ZMIZ1: variants seen among roughly 807,000 people sequenced by gnomAD.
The protein encoded by ZMIZ1 is zinc finger MIZ-type containing 1.
Under a neutral mutation model 113.9 loss-of-function variants are expected in ZMIZ1, and 17 were observed. That is an observed-to-expected ratio of 0.15 (90% CI 0.10 to 0.22). The LOEUF is 0.22. Among genes scored for constraint, ZMIZ1 ranks in the 10% least tolerant of loss-of-function variants. ZMIZ1 has a pLI of 1.00. For synonymous variants in ZMIZ1, 607 were observed against 603.1 expected, an observed-to-expected ratio of 1.01 and a Z score of -0.09; for missense variants, 1,059 against 1,477.8, an observed-to-expected ratio of 0.72 and a Z score of 4.65.
At chr10:79,092,007 G>T (rs1390076862) in intron 1 of ZMIZ1, among the ~76,000 whole-genome samples, 2 of 152,148 alleles carry the variant, frequency 1.3e-5, no homozygotes, top group African/African-American at 4.8e-5. Context: ...CCTGTACTGG[G>T]TGGGATGGGG....
intron 1 of ZMIZ1, among the ~76,000 whole-genome samples, chr10:79,108,159 A>T (rs1031991312): frequency 7.2e-5 from 11 of 152,182 alleles, no homozygotes; most frequent in Non-Finnish European, 1.3e-4. Context: ...TGAGATACAG[A>T]TGGTTGTATT....
intron 7 of ZMIZ1, among the ~76,000 whole-genome samples, chr10:79,218,483 A>T (rs11002877): frequency 0.069 from 10,476 of 152,012 alleles, 531 homozygotes; most frequent in South Asian, 0.16. Context: ...TCAAAACAAC[A>T]ACAACAACCA....
At chr10:79,143,372 C>T (rs914598529) in intron 3 of ZMIZ1, among the ~76,000 whole-genome samples, 1 of 152,148 alleles carries the variant, frequency 6.6e-6, no homozygotes, top group Non-Finnish European at 1.5e-5. Flanking sequence ...AGCTATCCCT[C>T]TGCTCTGGCT....
intron 10 of ZMIZ1, among the ~76,000 whole-genome samples, chr10:79,291,526 G>C (rs192415591): frequency 1.1e-4 from 17 of 152,378 alleles, no homozygotes; most frequent in African/African-American, 3.8e-4. Flanking sequence ...AGGTATAGAT[G>C]GGGTCCAGTT....
Position 79,307,471 on chromosome 10 carries a change from A to G in ZMIZ1, c.2735A>G (p.Asn912Ser). ...PHGNPGGTSM[N>S]DFMHGPPQLS... ...GGGAACCCTGGAGGGACATCCATGA[A>G]TGACTTCATGCACGGGCCCCCCCAG... The change falls in exon 23 of 25, where the codon AAT becomes AGT. Residue 912 changes from asparagine to serine, a missense_variant. Coordinates refer to ENST00000334512, the MANE Select transcript of ZMIZ1 (RefSeq NM_020338.4). The G allele has an allele frequency of 6.2e-7, 1 of 1,612,466 alleles. No homozygotes were observed. Among genetic ancestry groups the G allele is most frequent in the Non-Finnish European group, 8.5e-7 (1 of 1,179,232 alleles).
At chr10:79,097,957 C>G (rs979447741) in intron 1 of ZMIZ1, among the ~76,000 whole-genome samples, 10 of 152,164 alleles carry the variant, frequency 6.6e-5, no homozygotes, top group South Asian at 2.1e-4. Flanking sequence ...AGCCTTTGGA[C>G]TTGACTCTGT....
At chr10:79,208,487 G>A (rs1382724952) in intron 6 of ZMIZ1, 38 bp downstream of exon 6, 8 of 1,577,026 alleles carry the variant, frequency 5.1e-6, no homozygotes, top group Non-Finnish European at 6.9e-6. Flanking sequence ...TCCTGCCCAG[G>A]AAGGTCAGCT....
intron 7 of ZMIZ1, among the ~76,000 whole-genome samples, chr10:79,237,983 A>C (rs1366348842): frequency 6.6e-6 from 1 of 152,178 alleles, no homozygotes; most frequent in African/African-American, 2.4e-5. Context: ...CGCCTCAGTT[A>C]GCCAGGAGAG....
chr10:79,104,225 G>A (rs909101252), intron 1 of ZMIZ1, among the ~76,000 whole-genome samples: 4 of 152,210 alleles, frequency 2.6e-5, no homozygotes, highest in East Asian at 3.8e-4. Context: ...ACAGCCTTTC[G>A]ATGACGGAGA....
chr10:79,077,191 A>G (rs1049144698), intron 1 of ZMIZ1, among the ~76,000 whole-genome samples: 1 of 152,114 alleles, frequency 6.6e-6, no homozygotes, highest in Admixed American at 6.5e-5. Context: ...CCCTGTCCAC[A>G]GGGGTCCCAC....
At chr10:79,217,874 T>A (rs1848802747) in intron 7 of ZMIZ1, among the ~76,000 whole-genome samples, 2 of 152,228 alleles carry the variant, frequency 1.3e-5, no homozygotes, top group South Asian at 4.1e-4. Context: ...ACAAGGGACA[T>A]CTATTCCTGA....
At chr10:79,148,823 T>C (rs1041975805) in intron 3 of ZMIZ1, among the ~76,000 whole-genome samples, 1 of 152,130 alleles carries the variant, frequency 6.6e-6, no homozygotes, top group Non-Finnish European at 1.5e-5. Flanking sequence ...TCTTCCACCC[T>C]GCTTGTCTTA....
Position 79,299,105 on chromosome 10 carries a change from G to T in ZMIZ1, c.1722G>T (p.Leu574=). ...LTFPVRDGVV[L]EPFRLEHNLA... Reference sequence around the variant, plus strand: ...TCCCTGTGCGGGATGGCGTGGTGCTGGAGCCCTTCCGCCTGGAGCACAACC... The same window carrying T: ...TCCCTGTGCGGGATGGCGTGGTGCTTGAGCCCTTCCGCCTGGAGCACAACC... Residue 574 remains leucine (L), a synonymous_variant, in exon 16 of 25, where the codon CTG becomes CTT. Transcript: ENST00000334512. 1.2e-6 allele frequency: 2 copies of T among 1,612,672 alleles called. No individual in the cohort carries two copies. The highest frequency in any genetic ancestry group is 1.7e-6 in the Non-Finnish European group (2 of 1,179,900).
intron 7 of ZMIZ1, among the ~76,000 whole-genome samples, chr10:79,238,325 T>C (rs1367059664): frequency 6.6e-6 from 1 of 152,120 alleles, no homozygotes; most frequent in African/African-American, 2.4e-5. Flanking sequence ...AATGCAGACT[T>C]CTGGGAATGC....
intron 4 of ZMIZ1, among the ~76,000 whole-genome samples, chr10:79,174,386 G>A (rs1242810333): frequency 3.9e-5 from 6 of 152,226 alleles, no homozygotes; most frequent in African/African-American, 1.2e-4. Context: ...GGCTCCAAAG[G>A]GATGAGTAGG....
chr10:79,273,367 T>C (rs1852066126), intron 7 of ZMIZ1, among the ~76,000 whole-genome samples: 1 of 149,476 alleles, frequency 6.7e-6, no homozygotes, highest in Non-Finnish European at 1.5e-5. Flanking sequence ...TTTCTTTCTT[T>C]CCTTTTTGGA....
intron 7 of ZMIZ1, among the ~76,000 whole-genome samples, chr10:79,244,447 C>G (rs1348846959): frequency 6.6e-6 from 1 of 152,208 alleles, no homozygotes; most frequent in Non-Finnish European, 1.5e-5. Flanking sequence ...GTCTTCGAAG[C>G]CAAGCCATGG....
chr10:79,289,769 C>T lies in ZMIZ1; in HGVS notation c.426-6C>T. On this transcript the variant is annotated splice_polypyrimidine_tract_variant and splice_region_variant and intron_variant, in intron 8 of 24. Transcript: ENST00000334512. ...CCTGAAGATCTCCCTCTGTCTCCCT[C>T]TGCAGTGATGGGTCGTTCCCCTATG... The T allele has an allele frequency of 1.2e-6, 2 of 1,613,238 alleles. No individual in the cohort carries two copies. Among genetic ancestry groups the T allele is most frequent in the Non-Finnish European group, 1.7e-6 (2 of 1,179,350 alleles).
intron 3 of ZMIZ1, among the ~76,000 whole-genome samples, chr10:79,140,596 CCT>C (rs1411385017): frequency 1.3e-5 from 2 of 152,076 alleles, no homozygotes; most frequent in African/African-American, 2.4e-5. Context: ...TCCATCCATC[CCT>C]CTTTCTTTTA....
Sources: gnomAD v4.1 joint callset for allele counts (sites outside exome capture counted in the v4.1 genomes callset) on GRCh38, gnomAD v4.1.1 for gene constraint, MANE v1.5 for transcripts, NCBI Gene and HGNC (gene_info 2026-07-23, HGNC 2026-07-21) for gene names.